CCDC171: variants seen among roughly 807,000 people sequenced by gnomAD.
CCDC171 encodes the protein coiled-coil domain-containing protein 171.
CCDC171 carries 177 observed loss-of-function variants against 168.2 expected under a neutral mutation model. The ratio of observed to expected loss-of-function variants is 1.05; its 90% CI spans 0.93 to 1.19. The LOEUF (loss-of-function observed/expected upper bound fraction) is 1.19. Ranked by LOEUF, CCDC171 falls within the 50% of genes most tolerant of loss-of-function variation. The probability of loss-of-function intolerance (pLI) is 0.00; values close to 1 mark genes in which losing one functional copy is unlikely to be tolerated. For synonymous variants in CCDC171, 687 were observed against 540.8 expected (o/e 1.27, Z -3.75); for missense variants, 1,991 against 1,539.0 (o/e 1.29, Z -4.91).
intron 7 of CCDC171, among the ~76,000 whole-genome samples, chr9:15,656,713 G>A (rs560901638): frequency 3.3e-5 from 5 of 152,076 alleles, no homozygotes; most frequent in Non-Finnish European, 5.9e-5. Context: ...AAGCAGATTC[G>A]TGATTACTTG....
intron 10 of CCDC171, among the ~76,000 whole-genome samples, chr9:15,681,645 T>A (rs1277322479): frequency 2.6e-5 from 4 of 152,124 alleles, no homozygotes; most frequent in African/African-American, 9.6e-5. Context: ...TACATATTCC[T>A]TTATTGACTT....
In CCDC171 at chr9:15,816,713, G is replaced by C; in HGVS notation, c.3268-29989G>C. Among the ~76,000 whole-genome samples, 2 of 118,348 alleles carry C rather than the reference G, an allele frequency of 1.7e-5. 1 individual carries two copies. The highest frequency in any genetic ancestry group is 3.8e-5 in the Non-Finnish European group (2 of 52,582). 77.6% of individuals were successfully genotyped at this position (118,348 alleles called of 152,430 possible). A position where few individuals can be genotyped will look rare whatever the true frequency, so the allele number is the denominator to read the frequency against. On this transcript the variant is annotated intron_variant, in intron 21 of 25. Transcript: ENST00000380701. Reference sequence around the variant, plus strand: ...ATTTTCTAATGGATCAGATGTGAATGTCAGAGAGATGAAACAAGGACAATC... The same window carrying C: ...ATTTTCTAATGGATCAGATGTGAATCTCAGAGAGATGAAACAAGGACAATC...
At chr9:15,946,952 TTTG>T (rs1211625049) in intron 25 of CCDC171, among the ~76,000 whole-genome samples, 2 of 151,996 alleles carry the variant, frequency 1.3e-5, no homozygotes, top group African/African-American at 4.8e-5. Flanking sequence ...ATTACAGGGT[TTTG>T]TTGTTTAGGT....
chr9:15,803,383 T>C (rs994199651), intron 21 of CCDC171, among the ~76,000 whole-genome samples: 8 of 151,818 alleles, frequency 5.3e-5, no homozygotes, highest in Non-Finnish European at 1.0e-4. Context: ...GGGTTTTTTT[T>C]TGTAGTTTTG....
rs909933239 is a variant in CCDC171 at position 15,718,062 on chromosome 9, G to A, written c.1319-3707G>A. On this transcript the variant is annotated intron_variant, in intron 11 of 25. Coordinates refer to ENST00000380701, the MANE Select transcript of CCDC171 (RefSeq NM_173550.4). ...CCTTGATTCCAGGCCTTGGCTCTTC[G>A]ATGGCATTTCTGGACCTGCCCTTGG... 3.9e-5 allele frequency among the ~76,000 whole-genome samples: 6 copies of A among 152,146 alleles called. No individual in the cohort carries two copies. In the South Asian group the frequency reaches 6.2e-4, roughly 16 times the overall value.
At chr9:15,761,189 A>T (rs1228459550) in intron 18 of CCDC171, among the ~76,000 whole-genome samples, 1 of 152,182 alleles carries the variant, frequency 6.6e-6, no homozygotes, top group Non-Finnish European at 1.5e-5. Context: ...AATTGTCTAG[A>T]AGATAGATGA....
rs1202124359 is a variant in CCDC171, at chr9:15,973,147, A to T, written c.*1311A>T. 1 of 152,180 alleles carries T rather than the reference A, an allele frequency of 6.6e-6. No individual in the cohort carries two copies. The allele number at this position is 152,180 out of a possible 1,614,324, so 9.4% of individuals were successfully genotyped here. A position where few individuals can be genotyped will look rare whatever the true frequency, so the allele number is the denominator to read the frequency against. On this transcript the variant is annotated 3_prime_UTR_variant, in exon 26 of 26. Coordinates refer to ENST00000380701, the MANE Select transcript of CCDC171 (RefSeq NM_173550.4). The stretch of plus-strand genomic sequence containing the variant: ...AGAACAAAAGAATATTTGTAGTAAG[A>T]ATTTGTTTTTGTATTAATCATTTAA...
intron 25 of CCDC171, among the ~76,000 whole-genome samples, chr9:15,961,573 G>T (rs3008666): frequency 0.52 from 78,225 of 151,888 alleles, 21,439 homozygotes; most frequent in African/African-American, 0.72. Context: ...TGAAAACATT[G>T]AAATGAGAGT....
chr9:16,036,631 G>T (rs553605803), intron 8 of CCDC171, among the ~76,000 whole-genome samples: 1 of 152,202 alleles, frequency 6.6e-6, no homozygotes, highest in Admixed American at 6.5e-5. Flanking sequence ...GCCACAGAGC[G>T]AGACTCCGTC....
chr9:15,902,897 G>T (rs1195958130), intron 24 of CCDC171, among the ~76,000 whole-genome samples: 1 of 152,194 alleles, frequency 6.6e-6, no homozygotes, highest in African/African-American at 2.4e-5. Context: ...CCTGTGCCTG[G>T]CTCAGAGGGT....
intron 6 of CCDC171, among the ~76,000 whole-genome samples, chr9:16,028,538 A>T (rs566744935): frequency 4.6e-5 from 7 of 152,322 alleles, no homozygotes; most frequent in African/African-American, 1.7e-4. Context: ...TGTTTATCTG[A>T]AATAAAAACT....
At chr9:15,988,090 T>G (rs918211196) in intron 3 of CCDC171, among the ~76,000 whole-genome samples, 1 of 152,174 alleles carries the variant, frequency 6.6e-6, no homozygotes, top group Non-Finnish European at 1.5e-5. Flanking sequence ...AATAAAAATA[T>G]AACATACCAT....
At chr9:16,026,242 G>A (rs969703115) in intron 6 of CCDC171, among the ~76,000 whole-genome samples, 1 of 152,126 alleles carries the variant, frequency 6.6e-6, no homozygotes, top group Non-Finnish European at 1.5e-5. Context: ...CAGAGCCAGG[G>A]TCTCAACAGA....
chr9:15,611,212 C>A (rs1040558444), intron 6 of CCDC171, among the ~76,000 whole-genome samples: 1 of 152,132 alleles, frequency 6.6e-6, no homozygotes, highest in African/African-American at 2.4e-5. Context: ...TCCCCAGAAG[C>A]CAAGTGATGC....
the CCDC171 span, among the ~76,000 whole-genome samples, chr9:16,103,182 T>C: frequency 6.6e-6 from 1 of 152,194 alleles, no homozygotes; most frequent in Non-Finnish European, 1.5e-5. Context: ...GTTAGGAAGA[T>C]GGAGTTTCAG....
At chr9:15,865,384 T>TTGTATG (rs1554656996) in intron 23 of CCDC171, among the ~76,000 whole-genome samples, 5 of 150,434 alleles carry the variant, frequency 3.3e-5, no homozygotes, top group African/African-American at 4.9e-5. Flanking sequence ...TTTGTCATAT[T>TTGTATG]TGTGTGTGTG....
chr9:15,844,092 A>G (rs1317015682), intron 21 of CCDC171, among the ~76,000 whole-genome samples: 1 of 152,072 alleles, frequency 6.6e-6, no homozygotes, highest in Admixed American at 6.6e-5. Flanking sequence ...TCACACTTTC[A>G]CAATCTACCC....
the CCDC171 span, among the ~76,000 whole-genome samples, chr9:16,097,974 T>C: frequency 6.6e-6 from 1 of 152,320 alleles, no homozygotes; most frequent in Admixed American, 6.5e-5. Flanking sequence ...GGAAATGTTA[T>C]ATGGAACTAG....
At chr9:15,608,972 A>AAAAAAAAG (rs2043439483) in intron 6 of CCDC171, among the ~76,000 whole-genome samples, 3 of 146,348 alleles carry the variant, frequency 2.0e-5, no homozygotes, top group South Asian at 2.2e-4. Flanking sequence ...AAAAAAAAAA[A>AAAAAAAAG]GAGTGGTTTT....
Sources: allele counts gnomAD v4.1 joint callset (sites outside exome capture counted in the v4.1 genomes callset), GRCh38; gene constraint gnomAD v4.1.1; transcripts MANE v1.5; gene names NCBI Gene and HGNC (gene_info 2026-07-23, HGNC 2026-07-21).